IMMP2L: variants seen among roughly 807,000 people sequenced by gnomAD.
The protein encoded by IMMP2L is inner mitochondrial membrane peptidase subunit 2.
In IMMP2L, 18 loss-of-function variants were observed where a neutral mutation model predicts 19.3. The observed-to-expected ratio is 0.93, with a 90% CI of 0.64 to 1.38. The LOEUF (loss-of-function observed/expected upper bound fraction) is 1.38. Among genes scored for constraint, IMMP2L ranks in the 40% most tolerant of loss-of-function variants. IMMP2L has a pLI of 0.00. For missense variants in IMMP2L, 233 were observed against 218.2 expected, an observed-to-expected ratio of 1.07 and a Z score of -0.43; for synonymous variants, 76 against 73.0, an observed-to-expected ratio of 1.04 and a Z score of -0.21.
chr7:110,849,063 T>C (rs939047124), intron 5 of IMMP2L, among the ~76,000 whole-genome samples: 10 of 152,080 alleles, frequency 6.6e-5, no homozygotes, highest in South Asian at 2.1e-4. Context: ...ATGTGAACTA[T>C]AGACTTTGGG....
chr7:111,329,791 C>T (rs1825699217), intron 3 of IMMP2L, among the ~76,000 whole-genome samples: 1 of 151,768 alleles, frequency 6.6e-6, no homozygotes, highest in African/African-American at 2.4e-5. Flanking sequence ...GAAAACCATG[C>T]CATCCAGTAA....
chr7:111,389,589 C>A (rs1055714385), intron 3 of IMMP2L, among the ~76,000 whole-genome samples: 2 of 151,302 alleles, frequency 1.3e-5, no homozygotes, highest in Non-Finnish European at 2.9e-5. Context: ...AGAGGGAGGG[C>A]AGATTGAGAG....
intron 1 of IMMP2L, among the ~76,000 whole-genome samples, chr7:111,528,114 T>TGTCA (rs1173382085): frequency 6.6e-6 from 1 of 152,182 alleles, no homozygotes; most frequent in Admixed American, 6.5e-5. Context: ...TATCCAATAA[T>TGTCA]TTTCTTAAAG....
At chr7:111,052,265 G>A (rs1313002492) in intron 3 of IMMP2L, among the ~76,000 whole-genome samples, 1 of 152,182 alleles carries the variant, frequency 6.6e-6, no homozygotes, top group Non-Finnish European at 1.5e-5. Flanking sequence ...CCAGGAGAGA[G>A]TAACTAAGAG....
At chr7:110,687,747 A>C (rs1334210423) in intron 5 of IMMP2L, among the ~76,000 whole-genome samples, 1 of 152,104 alleles carries the variant, frequency 6.6e-6, no homozygotes. Flanking sequence ...TCAATAAGCT[A>C]TCTGTGGCAG....
intron 3 of IMMP2L, among the ~76,000 whole-genome samples, chr7:111,087,406 G>T (rs528240650): frequency 6.7e-6 from 1 of 149,618 alleles, no homozygotes; most frequent in Admixed American, 6.7e-5. Flanking sequence ...CCGAGATCGT[G>T]CCACTGCACT....
chr7:111,005,223 G>T (rs564033851), intron 3 of IMMP2L, among the ~76,000 whole-genome samples: 3 of 152,226 alleles, frequency 2.0e-5, no homozygotes, highest in Non-Finnish European at 4.4e-5. Flanking sequence ...TATGCAAATT[G>T]ATCCACCCAG....
intron 5 of IMMP2L, among the ~76,000 whole-genome samples, chr7:110,815,614 T>C (rs1802433263): frequency 6.6e-6 from 1 of 152,284 alleles, no homozygotes; most frequent in African/African-American, 2.4e-5. Context: ...TTTTGGTTGG[T>C]AAGCTATTGA....
intron 3 of IMMP2L, among the ~76,000 whole-genome samples, chr7:111,309,219 G>C (rs2130229027): frequency 6.6e-6 from 1 of 152,050 alleles, no homozygotes; most frequent in Admixed American, 6.6e-5. Context: ...AGTTTTATTT[G>C]AGTGAGCTGA....
chr7:111,426,727 CAT>C (rs1366007331), intron 3 of IMMP2L, among the ~76,000 whole-genome samples: 1 of 151,228 alleles, frequency 6.6e-6, no homozygotes, highest in Non-Finnish European at 1.5e-5. Flanking sequence ...AAAATTCTGG[CAT>C]ATGTGAGTTT....
intron 5 of IMMP2L, among the ~76,000 whole-genome samples, chr7:110,705,964 T>C (rs748169349): frequency 7.2e-5 from 11 of 152,242 alleles, no homozygotes; most frequent in East Asian, 3.9e-4. Context: ...CTATGCATCA[T>C]TGATGGGCAC....
chr7:110,957,019 G>A (rs765234420), intron 4 of IMMP2L, among the ~76,000 whole-genome samples: 2 of 151,968 alleles, frequency 1.3e-5, no homozygotes, highest in Non-Finnish European at 2.9e-5. Context: ...ATGGGTCTAA[G>A]TATTAGTAGA....
intron 3 of IMMP2L, among the ~76,000 whole-genome samples, chr7:111,095,734 C>T (rs1178285829): frequency 6.6e-6 from 1 of 151,990 alleles, no homozygotes; most frequent in Non-Finnish European, 1.5e-5. Flanking sequence ...AAGAGGCTTT[C>T]CACATCTGTT....
At chr7:111,530,184 G>C (rs539801605) in intron 1 of IMMP2L, among the ~76,000 whole-genome samples, 1 of 151,696 alleles carries the variant, frequency 6.6e-6, no homozygotes, top group Non-Finnish European at 1.5e-5. Context: ...GTGAAACCTT[G>C]CAGGGTTTCC....
intron 5 of IMMP2L, among the ~76,000 whole-genome samples, chr7:110,723,287 C>A (rs1235862023): frequency 6.6e-6 from 1 of 152,108 alleles, no homozygotes; most frequent in Non-Finnish European, 1.5e-5. Flanking sequence ...AAGATGACGA[C>A]TAGAAGTCAC....
At chr7:111,335,725 A>G (rs968726469) in intron 3 of IMMP2L, among the ~76,000 whole-genome samples, 1 of 152,152 alleles carries the variant, frequency 6.6e-6, no homozygotes, top group Non-Finnish European at 1.5e-5. Context: ...AACAACATGG[A>G]AAGTTCTCTA....
At chr7:111,492,543 G>T in intron 2 of IMMP2L, 1 of 220,052 alleles carries the variant, frequency 4.5e-6, no homozygotes, top group Non-Finnish European at 7.7e-6. Flanking sequence ...ACATGCTGCA[G>T]TTCCCTTAAG....
chr7:110,963,457 A>G, intron 4 of IMMP2L, 43 bp downstream of exon 4: 2 of 1,348,800 alleles, frequency 1.5e-6, no homozygotes, highest in Non-Finnish European at 2.1e-6. Context: ...ACAGAACTCT[A>G]GATATTTAAA....
intron 3 of IMMP2L, among the ~76,000 whole-genome samples, chr7:111,157,503 T>G (rs1317690703): frequency 2.0e-5 from 3 of 152,098 alleles, no homozygotes; most frequent in African/African-American, 7.2e-5. Context: ...ATGTTCTTAC[T>G]TATTTGTGAG....
Sources: gnomAD v4.1 joint callset for allele counts (sites outside exome capture counted in the v4.1 genomes callset) on GRCh38, gnomAD v4.1.1 for gene constraint, MANE v1.5 for transcripts, NCBI Gene and HGNC (gene_info 2026-07-23, HGNC 2026-07-21) for gene names.